The following CDK13 variants were observed in gnomAD, a reference collection of about 807,000 sequenced individuals.
CDK13 encodes the protein cyclin dependent kinase 13.
In CDK13, 40 loss-of-function variants were observed where a neutral mutation model predicts 137.6. The ratio of observed to expected loss-of-function variants is 0.29; its 90% CI spans 0.23 to 0.38. CDK13 has a LOEUF of 0.38. Among genes scored for constraint, CDK13 ranks in the 10% least tolerant of loss-of-function variants. The pLI is 1.00. For synonymous variants in CDK13, 869 were observed against 760.1 expected, an observed-to-expected ratio of 1.14 and a Z score of -2.36; for missense variants, 1,704 against 1,951.8, an observed-to-expected ratio of 0.87 and a Z score of 2.39.
Position 40,046,770 on chromosome 7 carries a change from G to A in CDK13, c.2543+745G>A, listed in dbSNP as rs185429194. On this transcript the variant is annotated intron_variant, in intron 6 of 13. Coordinates refer to ENST00000181839, the MANE Select transcript of CDK13 (RefSeq NM_003718.5). The stretch of plus-strand genomic sequence containing the variant: ...TAATCCCAACACTTTGGGAGGATGA[G>A]GCAGATGGATCACTTGAGGCCAGGA... 4.1e-4 allele frequency among the ~76,000 whole-genome samples: 63 copies of A among 152,156 alleles called. No homozygotes were observed. In the East Asian group the frequency reaches 6.4e-3, roughly 15 times the overall value.
intron 5 of CDK13, among the ~76,000 whole-genome samples, chr7:40,028,136 C>T (rs1785285049): frequency 6.6e-6 from 1 of 150,578 alleles, no homozygotes; most frequent in African/African-American, 2.4e-5. Context: ...GAAGGTCGTT[C>T]TCTTGTTGAT....
rs1269138380 is a variant in CDK13, at chr7:39,951,095, C to T, written c.454C>T (p.Gln152Ter). ...GGTGGAATACGAGGATGTGAGCTCC[C>T]AGTCCGAGCAGGGGCTGCTGCTGGG... ...PLVEYEDVSS[Q>*]SEQGLLLGGA... The change falls in exon 1 of 14, where the codon CAG becomes TAG. Residue 152 changes from glutamine to a stop codon, truncating the protein, a stop_gained. Transcript: ENST00000181839. LOFTEE classifies it high-confidence loss of function. 7.9e-7 allele frequency: 1 copy of T among 1,259,832 alleles called. No homozygotes were observed. The highest frequency in any genetic ancestry group is 1.0e-6 in the Non-Finnish European group (1 of 1,003,790). The allele number at this position is 1,259,832 out of a possible 1,614,324, so 78.0% of individuals were successfully genotyped here.
rs541563252 is a variant in CDK13 at position 40,058,701 on chromosome 7, A to T, written c.2601-4125A>T. On this transcript the variant is annotated intron_variant, in intron 7 of 13. Transcript: ENST00000181839. ...ATTGGGGATCTATTTTGGATGTAGA[A>T]TTGGCAGAAGTTGTTTGGAAATTTG... Among the ~76,000 whole-genome samples the T allele has an allele frequency of 1.4e-4, 21 of 152,272 alleles. 1 individual carries two copies. The South Asian group carries it at 3.9e-3, about 29-fold the overall frequency.
In CDK13 at chr7:39,992,101, ACACG is replaced by A. The variant is rs1314948033; in HGVS notation, c.1871+3847_1871+3850del. 4.2e-3 allele frequency among the ~76,000 whole-genome samples: 486 copies of A among 116,422 alleles called. 7 individuals carry two copies. Among genetic ancestry groups the A allele is most frequent in the African/African-American group, 0.035 (439 of 12,560 alleles). The allele number at this position is 116,422 out of a possible 152,430, so 76.4% of individuals were successfully genotyped here. A position where few individuals can be genotyped will look rare whatever the true frequency, so the allele number is the denominator to read the frequency against. ...CACACACACACACACACACACACAC[ACACG>A]CACACACACACACAAGCACACACGC... On this transcript the variant is annotated intron_variant, in intron 2 of 13. Coordinates refer to ENST00000181839, the MANE Select transcript of CDK13 (RefSeq NM_003718.5).
intron 1 of CDK13, among the ~76,000 whole-genome samples, chr7:39,964,873 C>T (rs1474263140): frequency 2.0e-5 from 3 of 152,078 alleles, no homozygotes; most frequent in African/African-American, 4.8e-5. Context: ...GCCTTCATTT[C>T]GTTATGTATC....
rs1786184821 is a variant in CDK13 at position 40,062,828 on chromosome 7, G to A, written c.2603G>A (p.Arg868Gln). 6.2e-7 allele frequency: 1 copy of A among 1,607,444 alleles called. No individual in the cohort carries two copies. Among genetic ancestry groups the A allele is most frequent in the Non-Finnish European group, 8.5e-7 (1 of 1,174,548 alleles). Residue 868 changes from arginine to glutamine, a missense_variant and splice_region_variant, in exon 8 of 14, where the codon CGG becomes CAG. Arg to Gln is a conservative substitution (Grantham distance 43, BLOSUM62 1). Coordinates refer to ENST00000181839, the MANE Select transcript of CDK13 (RefSeq NM_003718.5). ...LARLYSSEES[R>Q]PYTNKVITLW... Reference sequence around the variant, plus strand: ...AGACTGTTTTCTGTGTTTTTTAGTCGGCCGTATACTAACAAGGTAATTACT... The same window carrying A: ...AGACTGTTTTCTGTGTTTTTTAGTCAGCCGTATACTAACAAGGTAATTACT...
intron 7 of CDK13, chr7:40,062,180 T>TAA (rs1313058610): frequency 1.3e-5 from 2 of 152,264 alleles, no homozygotes; most frequent in Non-Finnish European, 2.9e-5. Context: ...CAACGCTCTT[T>TAA]AAATCAGTTA....
intron 1 of CDK13, among the ~76,000 whole-genome samples, chr7:39,954,838 C>G (rs913844245): frequency 2.0e-5 from 3 of 152,166 alleles, no homozygotes; most frequent in East Asian, 1.9e-4. Flanking sequence ...AGGCTGGTGT[C>G]AAACTCCTGG....
At chr7:40,090,712 C>T (rs891380381) in intron 12 of CDK13, among the ~76,000 whole-genome samples, 1 of 149,284 alleles carries the variant, frequency 6.7e-6, no homozygotes, top group Non-Finnish European at 1.5e-5. Context: ...TGGCAAAACC[C>T]CGTCTCTACA....
intron 1 of CDK13, among the ~76,000 whole-genome samples, chr7:39,965,308 A>G: frequency 6.6e-6 from 1 of 152,120 alleles, no homozygotes. Flanking sequence ...GTGCTCCTGT[A>G]TTGGGTGCAT....
chr7:39,982,000 CT>C (rs1211408746), intron 1 of CDK13, among the ~76,000 whole-genome samples: 2 of 148,882 alleles, frequency 1.3e-5, no homozygotes, highest in South Asian at 2.1e-4. Flanking sequence ...CTTTTTTCTT[CT>C]TTTTTTCTTT....
intron 1 of CDK13, among the ~76,000 whole-genome samples, chr7:39,966,068 A>G (rs895354783): frequency 2.6e-4 from 39 of 151,878 alleles, no homozygotes; most frequent in African/African-American, 9.2e-4. Context: ...CTTCATTTCA[A>G]CTTTGGTGAA....
intron 1 of CDK13, among the ~76,000 whole-genome samples, chr7:39,964,500 AT>A (rs991047769): frequency 3.7e-5 from 5 of 134,150 alleles, no homozygotes; most frequent in Non-Finnish European, 8.6e-5. Context: ...CATCTATTTG[AT>A]TCTTCTCTCT....
chr7:40,037,824 A>T (rs1785518243), intron 5 of CDK13, among the ~76,000 whole-genome samples: 1 of 152,216 alleles, frequency 6.6e-6, no homozygotes, highest in South Asian at 2.1e-4. Context: ...ATTAATTACT[A>T]AAAAGACTAC....
In CDK13 at chr7:39,950,894, C is replaced by T. The variant is rs1562691656; in HGVS notation, c.253C>T (p.Pro85Ser). The T allele has an allele frequency of 1.3e-5, 18 of 1,345,780 alleles. No individual in the cohort carries two copies. The highest frequency in any genetic ancestry group is 1.5e-5 in the African/African-American group (1 of 65,146). 83.4% of individuals were successfully genotyped at this position (1,345,780 alleles called of 1,614,324 possible). Reference sequence around the variant, plus strand: ...CTCCTCCTCTTGCTTCAGCCCGGGCCCCCCTCTGGAGGTCAAGCGGCTGGC... The same window carrying T: ...CTCCTCCTCTTGCTTCAGCCCGGGCTCCCCTCTGGAGGTCAAGCGGCTGGC... Reference protein sequence around the residue: ...AASSSCFSPGPPLEVKRLARG... With the variant: ...AASSSCFSPGSPLEVKRLARG... The change falls in exon 1 of 14, where the codon CCC (proline) becomes TCC (serine). Residue 85 changes from proline (P) to serine (S), a missense_variant. Pro to Ser is a moderately conservative substitution (Grantham distance 74). This residue lies in a region of CDK13 where 1,051 missense variants were observed against 931.0 expected (regional missense o/e 1.13). Coordinates refer to ENST00000181839, the MANE Select transcript of CDK13 (RefSeq NM_003718.5).
intron 5 of CDK13, among the ~76,000 whole-genome samples, chr7:40,042,119 T>G (rs1785619251): frequency 6.6e-6 from 1 of 152,168 alleles, no homozygotes; most frequent in Non-Finnish European, 1.5e-5. Flanking sequence ...GTTTGAGATC[T>G]TGGTCTGTCT....
intron 1 of CDK13, among the ~76,000 whole-genome samples, chr7:39,954,515 C>T (rs1787345798): frequency 6.6e-6 from 1 of 152,092 alleles, no homozygotes; most frequent in Non-Finnish European, 1.5e-5. Flanking sequence ...GTATCTGGCA[C>T]AAGTACACTC....
intron 7 of CDK13, among the ~76,000 whole-genome samples, chr7:40,056,922 A>G (rs1252902855): frequency 6.6e-6 from 1 of 152,254 alleles, no homozygotes; most frequent in African/African-American, 2.4e-5. Flanking sequence ...TTAGTGGCTT[A>G]AAGAATGAGA....
chr7:40,001,538 A>C (rs887349367), intron 4 of CDK13, among the ~76,000 whole-genome samples: 5 of 151,658 alleles, frequency 3.3e-5, no homozygotes, highest in South Asian at 2.1e-4. Context: ...TTTTCTTTTT[A>C]TTTTTTCCCA....
Sources: allele counts gnomAD v4.1 joint callset (sites outside exome capture counted in the v4.1 genomes callset), GRCh38; gene constraint gnomAD v4.1.1; regional missense constraint gnomAD v4.1.1; transcripts MANE v1.5; gene names NCBI Gene and HGNC (gene_info 2026-07-23, HGNC 2026-07-21).